The following SLC24A2 variants were observed in gnomAD, a reference collection of about 807,000 sequenced individuals.
The protein encoded by SLC24A2 is solute carrier family 24 member 2, also known as sodium/potassium/calcium exchanger 2.
Under a neutral mutation model 62.0 loss-of-function variants are expected in SLC24A2, and 36 were observed. That is an observed-to-expected ratio of 0.58 (90% CI 0.44 to 0.77). SLC24A2 has a LOEUF of 0.77. Ranked by LOEUF, SLC24A2 falls within the 30% of genes least tolerant of loss-of-function variation. The pLI, the probability that SLC24A2 is intolerant of heterozygous loss-of-function variation, is 0.00. For synonymous variants in SLC24A2, 358 were observed against 294.0 expected (o/e 1.22, Z -2.23); for missense variants, 846 against 817.9 (o/e 1.03, Z -0.42).
chr9:20,192,743 G>A, the SLC24A2 span, among the ~76,000 whole-genome samples: 1 of 152,112 alleles, frequency 6.6e-6, no homozygotes, highest in Non-Finnish European at 1.5e-5. Flanking sequence ...CTGGGCCTGG[G>A]GCCTGGGCAT....
chr9:19,862,802 C>G, the SLC24A2 span, among the ~76,000 whole-genome samples: 19 of 151,742 alleles, frequency 1.3e-4, no homozygotes, highest in East Asian at 3.5e-3. Flanking sequence ...TATTTGCAAG[C>G]CTCATGGTAA....
At chr9:20,259,915 C>T in the SLC24A2 span, among the ~76,000 whole-genome samples, 1 of 152,036 alleles carries the variant, frequency 6.6e-6, no homozygotes, top group Non-Finnish European at 1.5e-5. Context: ...ATGGCAAAGC[C>T]CCATTTCTGC....
At chr9:20,169,779 A>AC in the SLC24A2 span, among the ~76,000 whole-genome samples, 28 of 151,778 alleles carry the variant, frequency 1.8e-4, no homozygotes, top group African/African-American at 3.1e-4. Context: ...GTTCTTTGAC[A>AC]CCCCCCCAAA....
chr9:20,172,604 A>T, the SLC24A2 span, among the ~76,000 whole-genome samples: 1 of 152,074 alleles, frequency 6.6e-6, no homozygotes, highest in Non-Finnish European at 1.5e-5. Context: ...CCTAGAGGAG[A>T]TGGATAAATT....
chr9:20,232,592 C>A, the SLC24A2 span, among the ~76,000 whole-genome samples: 2 of 152,146 alleles, frequency 1.3e-5, no homozygotes, highest in Non-Finnish European at 2.9e-5. Context: ...TCCCCTTTAT[C>A]ATTTTTTATT....
At chr9:20,230,397 G>T in the SLC24A2 span, among the ~76,000 whole-genome samples, 12 of 152,146 alleles carry the variant, frequency 7.9e-5, no homozygotes, top group Non-Finnish European at 1.0e-4. Context: ...CAGCACCTGT[G>T]GTTTCCTGAC....
At chr9:19,661,934 G>A (rs980924257) in intron 2 of SLC24A2, among the ~76,000 whole-genome samples, 2 of 152,128 alleles carry the variant, frequency 1.3e-5, no homozygotes, top group African/African-American at 4.8e-5. Flanking sequence ...CACCTAAATA[G>A]ACATTGCACA....
chr9:19,957,664 C>G, the SLC24A2 span: 1 of 152,458 alleles, frequency 6.6e-6, no homozygotes, highest in East Asian at 1.9e-4. Context: ...GTCTTTATCC[C>G]CATTTCTGAA....
At chr9:20,187,751 T>C in the SLC24A2 span, among the ~76,000 whole-genome samples, 2 of 152,320 alleles carry the variant, frequency 1.3e-5, no homozygotes, top group East Asian at 3.9e-4. Context: ...TCTGAGCATC[T>C]TGTGGCAATG....
At chr9:20,054,421 A>G in the SLC24A2 span, among the ~76,000 whole-genome samples, 1 of 152,042 alleles carries the variant, frequency 6.6e-6, no homozygotes, top group Admixed American at 6.5e-5. Context: ...CAAACTCCCG[A>G]CCTCAAGTGA....
the SLC24A2 span, among the ~76,000 whole-genome samples, chr9:19,948,854 A>G: frequency 6.6e-6 from 1 of 150,494 alleles, no homozygotes. Context: ...CAAAAAAAAA[A>G]AAAAAAAAAA....
chr9:19,597,578 G>C (rs1176468494), intron 4 of SLC24A2, among the ~76,000 whole-genome samples: 1 of 152,144 alleles, frequency 6.6e-6, no homozygotes, highest in East Asian at 1.9e-4. Context: ...TTCACCCCAG[G>C]TCTATTGTAA....
At chr9:19,818,167 G>A in the SLC24A2 span, among the ~76,000 whole-genome samples, 24 of 152,046 alleles carry the variant, frequency 1.6e-4, no homozygotes, top group Middle Eastern at 6.8e-3. Flanking sequence ...TAGAGTCTCC[G>A]GCCTTGTTTT....
chr9:19,952,648 T>C, the SLC24A2 span, among the ~76,000 whole-genome samples: 1 of 149,040 alleles, frequency 6.7e-6, no homozygotes, highest in South Asian at 2.2e-4. Flanking sequence ...TTGGCTAATA[T>C]TTGCCAAGCA....
chr9:19,744,157 T>C (rs2118779558), intron 2 of SLC24A2, among the ~76,000 whole-genome samples: 1 of 152,260 alleles, frequency 6.6e-6, no homozygotes, highest in South Asian at 2.1e-4. Flanking sequence ...ACCTATGCCC[T>C]CCTCTCTTAG....
chr9:19,829,830 CACACACACACAT>C, the SLC24A2 span, among the ~76,000 whole-genome samples: 10 of 142,378 alleles, frequency 7.0e-5, no homozygotes, highest in Non-Finnish European at 9.2e-5. Context: ...CACACACACA[CACACACACACAT>C]ATATAGAACT....
the SLC24A2 span, among the ~76,000 whole-genome samples, chr9:20,224,308 C>T: frequency 4.0e-5 from 6 of 151,382 alleles, no homozygotes; most frequent in South Asian, 4.2e-4. Flanking sequence ...TATCTAGTTG[C>T]GAAAAGGAAA....
chr9:19,845,029 A>G, the SLC24A2 span, among the ~76,000 whole-genome samples: 1 of 150,840 alleles, frequency 6.6e-6, no homozygotes, highest in Non-Finnish European at 1.5e-5. Context: ...ATTTTAGAAT[A>G]GCGTTTTTTA....
At chr9:19,533,920 C>G (rs1294080477) in intron 8 of SLC24A2, among the ~76,000 whole-genome samples, 1 of 152,182 alleles carries the variant, frequency 6.6e-6, no homozygotes, top group Non-Finnish European at 1.5e-5. Flanking sequence ...GCAGAATACA[C>G]CCATATATCT....
Sources: gnomAD v4.1 joint callset for allele counts (sites outside exome capture counted in the v4.1 genomes callset) on GRCh38, gnomAD v4.1.1 for gene constraint, MANE v1.5 for transcripts, NCBI Gene and HGNC (gene_info 2026-07-23, HGNC 2026-07-21) for gene names.